The following LOC400499 variants were observed in gnomAD, a reference collection of about 807,000 sequenced individuals.
chr16:11,500,345 T>C, the LOC400499 span, among the ~76,000 whole-genome samples: 4 of 151,436 alleles, frequency 2.6e-5, no homozygotes, highest in South Asian at 2.1e-4. Context: ...CCGTCTCTAC[T>C]GAAAAAAATA....
the LOC400499 span, among the ~76,000 whole-genome samples, chr16:11,482,724 C>T: frequency 6.6e-6 from 1 of 151,716 alleles, no homozygotes; most frequent in African/African-American, 2.4e-5. Flanking sequence ...GACCCCATCT[C>T]AACAAAAAGA....
the LOC400499 span, among the ~76,000 whole-genome samples, chr16:11,491,070 A>T: frequency 9.9e-5 from 15 of 152,212 alleles, no homozygotes; most frequent in African/African-American, 3.6e-4. Context: ...ACACTCTATG[A>T]GGGAGGTACT....
the LOC400499 span, chr16:11,424,067 TG>T: frequency 4.8e-5 from 19 of 399,084 alleles, no homozygotes; most frequent in African/African-American, 3.3e-4. Flanking sequence ...TGGGACCCAC[TG>T]GCCCCCGAGA....
the LOC400499 span, among the ~76,000 whole-genome samples, chr16:11,503,427 C>G: frequency 6.6e-6 from 1 of 152,130 alleles, no homozygotes; most frequent in Non-Finnish European, 1.5e-5. Flanking sequence ...TGGCCTGAAC[C>G]CAAAGCCACA....
the LOC400499 span, among the ~76,000 whole-genome samples, chr16:11,449,618 G>C: frequency 3.2e-4 from 49 of 152,214 alleles, no homozygotes; most frequent in Admixed American, 3.1e-3. Flanking sequence ...CAACTCAGGG[G>C]TCTCACCAGG....
chr16:11,470,050 G>A, the LOC400499 span, among the ~76,000 whole-genome samples: 1 of 152,178 alleles, frequency 6.6e-6, no homozygotes, highest in Admixed American at 6.5e-5. Flanking sequence ...TTACAGGCAT[G>A]CGCCAACAAG....
chr16:11,383,631 G>A, the LOC400499 span: 1 of 1,232,194 alleles, frequency 8.1e-7, no homozygotes, highest in Non-Finnish European at 1.0e-6. Context: ...TAGATGGCTG[G>A]GGCAGCTTAC....
At chr16:11,470,121 C>T in the LOC400499 span, among the ~76,000 whole-genome samples, 3 of 152,266 alleles carry the variant, frequency 2.0e-5, no homozygotes, top group African/African-American at 7.2e-5. Context: ...CCATGTTGGC[C>T]AGGCTGGTCT....
chr16:11,386,814 G>A, the LOC400499 span, among the ~76,000 whole-genome samples: 1 of 152,230 alleles, frequency 6.6e-6, no homozygotes, highest in Non-Finnish European at 1.5e-5. Context: ...CGAGTCTGAA[G>A]TCAGTCAGTT....
At chr16:11,470,570 C>A in the LOC400499 span, 1 of 152,218 alleles carries the variant, frequency 6.6e-6, no homozygotes, top group Non-Finnish European at 1.5e-5. Flanking sequence ...CCACAAGTCC[C>A]GTTCGGAAAT....
At chr16:11,418,197 A>C in the LOC400499 span, among the ~76,000 whole-genome samples, 4 of 152,214 alleles carry the variant, frequency 2.6e-5, no homozygotes, top group Non-Finnish European at 4.4e-5. Context: ...TTGTAAATAA[A>C]GTTGTTGGAA....
the LOC400499 span, among the ~76,000 whole-genome samples, chr16:11,416,316 C>G: frequency 6.6e-6 from 1 of 152,104 alleles, no homozygotes; most frequent in African/African-American, 2.4e-5. Flanking sequence ...CCCCGGGATC[C>G]TGAATGGTCA....
At chr16:11,476,124 G>C in the LOC400499 span, among the ~76,000 whole-genome samples, 1 of 151,462 alleles carries the variant, frequency 6.6e-6, no homozygotes, top group African/African-American at 2.4e-5. Context: ...TAGGAGCATG[G>C]AAAGAAGGCT....
chr16:11,445,530 G>C, the LOC400499 span, among the ~76,000 whole-genome samples: 2 of 152,176 alleles, frequency 1.3e-5, no homozygotes, highest in African/African-American at 4.8e-5. Flanking sequence ...AATCCTAAAA[G>C]ATGAGTAGAA....
At chr16:11,446,469 T>C in the LOC400499 span, 1 of 1,320,874 alleles carries the variant, frequency 7.6e-7, no homozygotes, top group Admixed American at 2.0e-5. Context: ...AGATAACATG[T>C]TTTCAATCCT....
the LOC400499 span, among the ~76,000 whole-genome samples, chr16:11,418,977 C>G: frequency 6.6e-6 from 1 of 152,134 alleles, no homozygotes; most frequent in Non-Finnish European, 1.5e-5. Flanking sequence ...ACCATCCTGG[C>G]CAACAAGGCA....
the LOC400499 span, among the ~76,000 whole-genome samples, chr16:11,438,598 C>CCACCTCTAAT: frequency 7.5e-6 from 1 of 133,366 alleles, no homozygotes; most frequent in Non-Finnish European, 1.5e-5. Flanking sequence ...TAGCGAGACC[C>CCACCTCTAAT]TGTCTCTGCA....
At chr16:11,406,928 G>C in the LOC400499 span, among the ~76,000 whole-genome samples, 279 of 152,298 alleles carry the variant, frequency 1.8e-3, 2 homozygotes, top group African/African-American at 6.1e-3. Context: ...AATCTCCCCC[G>C]CTAGAGTGGA....
the LOC400499 span, among the ~76,000 whole-genome samples, chr16:11,441,316 G>C: frequency 4.6e-5 from 7 of 152,194 alleles, no homozygotes; most frequent in African/African-American, 1.4e-4. Flanking sequence ...ATGTGAATGT[G>C]TCTTGCTCAA....
Sources: allele counts gnomAD v4.1 joint callset (sites outside exome capture counted in the v4.1 genomes callset), GRCh38; gene constraint gnomAD v4.1.1; transcripts MANE v1.5.